The following ESRRG variants were observed in gnomAD, a reference collection of about 807,000 sequenced individuals.
The protein encoded by ESRRG is estrogen related receptor gamma, also known as estrogen-related receptor gamma.
ESRRG carries 13 observed loss-of-function variants against 44.0 expected under a neutral mutation model. That is an observed-to-expected ratio of 0.30 (90% CI 0.19 to 0.47). ESRRG has a LOEUF of 0.47. Ranked by LOEUF, ESRRG falls within the 20% of genes least tolerant of loss-of-function variation. ESRRG has a pLI of 1.00. For missense variants in ESRRG, 395 were observed against 580.6 expected (o/e 0.68, Z 3.29); for synonymous variants, 215 against 214.6 (o/e 1.00, Z -0.02).
chr1:216,997,960 C>T (rs922005780), intron 1 of ESRRG, among the ~76,000 whole-genome samples: 4 of 152,188 alleles, frequency 2.6e-5, no homozygotes, highest in African/African-American at 9.6e-5. Context: ...AACTCTTTCA[C>T]CCATGCTCAG....
At chr1:216,532,278 C>T (rs563867189) in intron 5 of ESRRG, among the ~76,000 whole-genome samples, 1 of 152,218 alleles carries the variant, frequency 6.6e-6, no homozygotes, top group South Asian at 2.1e-4. Context: ...ACAGTGTGGA[C>T]TGTACTTTTC....
Position 216,503,878 on chromosome 1 carries a change from A to G in ESRRG, c.*3061T>C. On this transcript the variant is annotated 3_prime_UTR_variant, in exon 7 of 7. Transcript: ENST00000408911. The stretch of plus-strand genomic sequence containing the variant: ...TTAAAATTAAAATCATATGGCTAAA[A>G]CATACACCTTTATAACTTTCCAAAA... The G allele has an allele frequency of 6.6e-6, 1 of 152,580 alleles. No individual in the cohort carries two copies. The allele number at this position is 152,580 out of a possible 1,614,324, so 9.5% of individuals were successfully genotyped here.
At chr1:216,998,538 C>T (rs537174581) in intron 1 of ESRRG, among the ~76,000 whole-genome samples, 25 of 152,182 alleles carry the variant, frequency 1.6e-4, no homozygotes, top group Non-Finnish European at 2.6e-4. Flanking sequence ...AATATAAATC[C>T]ACTTATAATA....
chr1:216,852,555 G>GA (rs554633408), intron 2 of ESRRG, among the ~76,000 whole-genome samples: 1 of 151,664 alleles, frequency 6.6e-6, no homozygotes, highest in Non-Finnish European at 1.5e-5. Context: ...TGAAAGGCAA[G>GA]AAAAAAAATG....
intron 4 of ESRRG, 40 bp from the exon 5 acceptor site, chr1:216,564,420 T>C: frequency 1.3e-6 from 2 of 1,515,664 alleles, no homozygotes; most frequent in Non-Finnish European, 1.8e-6. Flanking sequence ...TCACTAGTAG[T>C]ATCATCCCTC....
intron 2 of ESRRG, among the ~76,000 whole-genome samples, chr1:216,873,213 T>TG (rs1372751273): frequency 6.9e-6 from 1 of 144,320 alleles, no homozygotes; most frequent in Non-Finnish European, 1.5e-5. Context: ...TTTTCAGTTT[T>TG]TTTTTTTTTT....
At chr1:216,609,995 C>T (rs975282790) in intron 3 of ESRRG, among the ~76,000 whole-genome samples, 1 of 152,178 alleles carries the variant, frequency 6.6e-6, no homozygotes, top group Non-Finnish European at 1.5e-5. Flanking sequence ...GATCAGTCTC[C>T]ACAAAAGTGA....
chr1:216,687,306 G>A (rs2078192900), intron 1 of ESRRG, among the ~76,000 whole-genome samples: 1 of 152,066 alleles, frequency 6.6e-6, no homozygotes, highest in Non-Finnish European at 1.5e-5. Context: ...GCAATTCCCT[G>A]CAATCAGTGT....
chr1:216,901,005 A>G (rs1014453838), intron 2 of ESRRG, among the ~76,000 whole-genome samples: 11 of 152,218 alleles, frequency 7.2e-5, no homozygotes, highest in African/African-American at 2.7e-4. Flanking sequence ...ACCAGAGGAA[A>G]CTAAGGCTAG....
At position 217,106,194 on chromosome 1, in the gene ESRRG, G is replaced by A. The variant is rs573160079; in HGVS notation, c.-230+31473C>T. Among the ~76,000 whole-genome samples, 113 of 152,162 alleles carry A rather than the reference G, an allele frequency of 7.4e-4. 1 individual carries two copies. The highest frequency in any genetic ancestry group is 1.4e-3 in the Non-Finnish European group (95 of 68,030). ...GTGATAGATTTCAAATAGTGTTTAA[G>A]GAAGGGAAACATTGTTTTTGTAAGT... is the stretch of plus-strand genomic sequence containing the variant. On this transcript the variant is annotated intron_variant, in intron 1 of 8. Coordinates refer to the ESRRG transcript ENST00000366940.
At chr1:217,076,416 A>G (rs1363109608) in intron 1 of ESRRG, among the ~76,000 whole-genome samples, 1 of 152,156 alleles carries the variant, frequency 6.6e-6, no homozygotes, top group Non-Finnish European at 1.5e-5. Flanking sequence ...CACAGGTACA[A>G]TTTGCTCATT....
At chr1:216,741,343 T>G (rs1036062329) in intron 2 of ESRRG, among the ~76,000 whole-genome samples, 3 of 146,232 alleles carry the variant, frequency 2.1e-5, no homozygotes, top group Non-Finnish European at 4.5e-5. Flanking sequence ...TATTTCTTTA[T>G]ACCTGTTCAC....
At chr1:216,977,280 C>A (rs950167091) in intron 1 of ESRRG, among the ~76,000 whole-genome samples, 1 of 149,282 alleles carries the variant, frequency 6.7e-6, no homozygotes, top group Non-Finnish European at 1.5e-5. Context: ...CCTAATGGTA[C>A]CAGAAGGAAA....
chr1:216,763,506 A>G (rs12406642), intron 2 of ESRRG, among the ~76,000 whole-genome samples: 1,575 of 152,226 alleles, frequency 0.01, 15 homozygotes, highest in Middle Eastern at 0.024. Context: ...AAGAGGGAGG[A>G]GAATGAAAGA....
intron 3 of ESRRG, among the ~76,000 whole-genome samples, chr1:216,634,215 C>T (rs1214418274): frequency 2.6e-5 from 4 of 152,244 alleles, no homozygotes; most frequent in African/African-American, 7.2e-5. Flanking sequence ...TTCGGGTTAT[C>T]TTGGATGAAT....
chr1:217,068,868 C>G (rs898561440), intron 1 of ESRRG, among the ~76,000 whole-genome samples: 7 of 152,200 alleles, frequency 4.6e-5, no homozygotes, highest in African/African-American at 7.2e-5. Flanking sequence ...CAATCCCTAA[C>G]TTTAATCCTT....
At chr1:217,115,294 T>A (rs770828446) in intron 1 of ESRRG, among the ~76,000 whole-genome samples, 6 of 152,216 alleles carry the variant, frequency 3.9e-5, no homozygotes, top group South Asian at 2.1e-4. Flanking sequence ...ACATGCCATG[T>A]GGCTCCTATG....
At chr1:216,943,737 C>A (rs1256255709) in intron 1 of ESRRG, among the ~76,000 whole-genome samples, 2 of 152,136 alleles carry the variant, frequency 1.3e-5, no homozygotes, top group Admixed American at 1.3e-4. Flanking sequence ...CTGAAGATAA[C>A]CCTAGCGTAC....
chr1:216,514,039 T>C (rs943381846), intron 6 of ESRRG, among the ~76,000 whole-genome samples: 1 of 152,128 alleles, frequency 6.6e-6, no homozygotes, highest in South Asian at 2.1e-4. Flanking sequence ...ATTACCCAGG[T>C]ATTTACTCAG....
Sources: gnomAD v4.1 joint callset for allele counts (sites outside exome capture counted in the v4.1 genomes callset) on GRCh38, gnomAD v4.1.1 for gene constraint, MANE v1.5 for transcripts, NCBI Gene and HGNC (gene_info 2026-07-23, HGNC 2026-07-21) for gene names.